Variants in TTI1 observed in about 807,000 individuals in gnomAD.
TTI1 encodes the protein TELO2 interacting protein 1.
A neutral mutation model predicts 85.4 loss-of-function variants in TTI1; 52 were observed. That is an observed-to-expected ratio of 0.61 (90% CI 0.49 to 0.77). TTI1 has a LOEUF of 0.77. Ranked by LOEUF, TTI1 falls within the 30% of genes least tolerant of loss-of-function variation. The probability of loss-of-function intolerance (pLI) is 0.00; values close to 1 mark genes in which losing one functional copy is unlikely to be tolerated. For missense variants in TTI1, 1,173 were observed against 1,296.0 expected, an observed-to-expected ratio of 0.91 and a Z score of 1.46; for synonymous variants, 512 against 503.9, an observed-to-expected ratio of 1.02 and a Z score of -0.22.
At chr20:38,000,022 T>G (rs999731061) in intron 4 of TTI1, among the ~76,000 whole-genome samples, 1 of 152,130 alleles carries the variant, frequency 6.6e-6, no homozygotes, top group East Asian at 1.9e-4. Context: ...CCCTTTAGGA[T>G]CCACATGAGA....
In TTI1 at chr20:38,013,360, A is replaced by G; in HGVS notation, c.457T>C (p.Phe153Leu). 1 of 1,614,112 alleles carries G rather than the reference A, an allele frequency of 6.2e-7. No individual in the cohort carries two copies. The highest frequency in any genetic ancestry group is 8.5e-7 in the Non-Finnish European group (1 of 1,180,036). The change falls in exon 2 of 8, where the codon TTT becomes CTT. Residue 153 changes from phenylalanine (F) to leucine (L), a missense_variant. Physicochemically the swap from Phe to Leu is conservative, Grantham distance 22. Coordinates refer to ENST00000373447, the MANE Select transcript of TTI1 (RefSeq NM_001303457.2). ...AGGCCTAACAGTAAAGATACAGCAA[A>G]TCCTAAACGTGGCAGAATGGAGGGC... ...YEPSILPRLGFAVSLLLGLAE... is the reference protein window; with the variant it reads ...YEPSILPRLGLAVSLLLGLAE...
intron 1 of TTI1, among the ~76,000 whole-genome samples, chr20:38,024,847 A>C (rs2073816038): frequency 6.6e-6 from 1 of 152,144 alleles, no homozygotes; most frequent in South Asian, 2.1e-4. Flanking sequence ...GGGAGCCTAA[A>C]CTTCCACTTC....
intron 1 of TTI1, among the ~76,000 whole-genome samples, chr20:38,033,155 C>G (rs16987085): frequency 6.6e-6 from 1 of 152,050 alleles, no homozygotes; most frequent in Admixed American, 6.5e-5. Context: ...AGAGAACGAG[C>G]GCCAGGGCGT....
chr20:37,991,436 T>C (rs2073262630), intron 7 of TTI1, among the ~76,000 whole-genome samples: 1 of 152,208 alleles, frequency 6.6e-6, no homozygotes, highest in African/African-American at 2.4e-5. Flanking sequence ...ATGAAATGAA[T>C]GAGCCTGTGC....
intron 1 of TTI1, among the ~76,000 whole-genome samples, chr20:38,025,012 G>A (rs2073818087): frequency 1.3e-5 from 2 of 152,180 alleles, no homozygotes; most frequent in Admixed American, 6.5e-5. Flanking sequence ...CCACTCAGCA[G>A]TAGTGGGGAG....
intron 7 of TTI1, 88 bp from the exon 8 acceptor site, chr20:37,983,727 G>A: frequency 8.2e-7 from 1 of 1,218,640 alleles, no homozygotes; most frequent in Non-Finnish European, 1.1e-6. Flanking sequence ...TGTTTACCAG[G>A]CTATTTGAGA....
At position 38,012,684 on chromosome 20, in the gene TTI1, A is replaced by T; in HGVS notation, c.1133T>A (p.Leu378Gln). 6.2e-7 allele frequency: 1 copy of T among 1,614,242 alleles called. No homozygotes were observed. Among genetic ancestry groups the T allele is most frequent in the Non-Finnish European group, 8.5e-7 (1 of 1,180,048 alleles). ...KALADILSES[L>Q]HSLATSLPRL... ...AGGAAGAGATGTGGCAAGGGAATGC[A>T]GGCTTTCTGACAAGATGTCAGCGAG... Residue 378 changes from leucine (L) to glutamine (Q), a missense_variant, in exon 2 of 8, where the codon CTG becomes CAG. By Grantham distance (113) the Leu-to-Gln change is moderately radical. Transcript: ENST00000373447.
At chr20:37,992,145 C>T (rs1274424883) in intron 7 of TTI1, among the ~76,000 whole-genome samples, 1 of 152,224 alleles carries the variant, frequency 6.6e-6, no homozygotes, top group Non-Finnish European at 1.5e-5. Context: ...ACCAGCTGGT[C>T]ACCACCTGCT....
rs1383940413 is a variant in TTI1 at position 38,013,658 on chromosome 20, G to C, written c.159C>G (p.Leu53=). The change falls in exon 2 of 8, where the codon CTC becomes CTG. Residue 53 remains leucine (L), a synonymous_variant. Transcript: ENST00000373447. ...TCTTCAGGGTAAATCGCAGAGGGAAGAGGATGTACTGCTGAAGTTCCTGAA... is the reference window on the plus strand; with the variant it reads ...TCTTCAGGGTAAATCGCAGAGGGAACAGGATGTACTGCTGAAGTTCCTGAA... ...SALQELQQYI[L]FPLRFTLKTP... 6.2e-7 allele frequency: 1 copy of C among 1,614,248 alleles called. No individual in the cohort carries two copies.
intron 7 of TTI1, 123 bp downstream of exon 7, chr20:37,996,252 A>G: frequency 1.0e-6 from 1 of 1,004,668 alleles, no homozygotes; most frequent in Middle Eastern, 2.6e-4. Flanking sequence ...CAGTTAAAGA[A>G]TTATCTTAAC....
rs1311747991 is a variant in TTI1 at position 38,012,732 on chromosome 20, T to G, written c.1085A>C (p.Lys362Thr). The change falls in exon 2 of 8, where the codon AAA (lysine) becomes ACA (threonine). Residue 362 changes from lysine to threonine, a missense_variant. Physicochemically the swap from Lys to Thr is moderately conservative, Grantham distance 78 (BLOSUM62 -1). Coordinates refer to ENST00000373447, the MANE Select transcript of TTI1 (RefSeq NM_001303457.2). ...NKVLRHFADQ[K>T]VVVGNKALAD... ...GAGGGCTTTGTTGCCCACCACTACT[T>G]TTTGATCTGCAAAATGTCTCAGAAC... 2 of 1,614,158 alleles carry G rather than the reference T, an allele frequency of 1.2e-6. No homozygotes were observed. The highest frequency in any genetic ancestry group is 3.3e-5 in the Admixed American group (2 of 60,020).
chr20:38,019,965 C>T (rs993476564), intron 1 of TTI1, among the ~76,000 whole-genome samples: 6 of 152,138 alleles, frequency 3.9e-5, no homozygotes, highest in African/African-American at 1.2e-4. Flanking sequence ...TTGGTAGAGT[C>T]AGCATAATCC....
At chr20:37,987,827 T>C (rs1202086996) in intron 7 of TTI1, among the ~76,000 whole-genome samples, 1 of 152,194 alleles carries the variant, frequency 6.6e-6, no homozygotes, top group Non-Finnish European at 1.5e-5. Context: ...TTCAGCCCTA[T>C]CTACAACTGA....
rs2073443905 is a variant in TTI1 at position 38,002,752 on chromosome 20, A to G, written c.2528T>C (p.Val843Ala). The change falls in exon 4 of 8, where the codon GTG (valine) becomes GCG (alanine). Residue 843 changes from valine (V) to alanine (A), a missense_variant. Val to Ala is a moderately conservative substitution (Grantham distance 64). Coordinates refer to ENST00000373447, the MANE Select transcript of TTI1 (RefSeq NM_001303457.2). Reference protein sequence around the residue: ...EEEEQSVPPKVDENDTRPDVE... With the variant: ...EEEEQSVPPKADENDTRPDVE... Reference sequence around the variant, plus strand: ...ATCTGGACGGGTGTCATTCTCATCCACTTTGGGAGGGACTGACTGTTCCTC... The same window carrying G: ...ATCTGGACGGGTGTCATTCTCATCCGCTTTGGGAGGGACTGACTGTTCCTC... The G allele has an allele frequency of 1.2e-6, 2 of 1,614,110 alleles. No homozygotes were observed. Among genetic ancestry groups the G allele is most frequent in the Admixed American group, 1.7e-5 (1 of 60,014 alleles).
At chr20:38,020,323 A>AAAATATATATATATATATATAT in intron 1 of TTI1, among the ~76,000 whole-genome samples, 20 of 50,360 alleles carry the variant, frequency 4.0e-4, no homozygotes, top group Non-Finnish European at 5.8e-4. Flanking sequence ...AAAAAAAAAA[A>AAAATATATATATATATATATAT]ATATATATAT....
chr20:38,005,906 T>A lies in TTI1; in HGVS notation c.2503+291A>T. On this transcript the variant is annotated intron_variant, in intron 3 of 7. Transcript: ENST00000373447. ...AGCAACCTAAATGTCCTACAGGGGATGGACACTTAGTAACAGCTATTAAAA... is the reference window on the plus strand; with the variant it reads ...AGCAACCTAAATGTCCTACAGGGGAAGGACACTTAGTAACAGCTATTAAAA... 7 of 379,816 alleles carry A rather than the reference T, an allele frequency of 1.8e-5. 1 individual carries two copies. Among genetic ancestry groups the A allele is most frequent in the South Asian group, 1.7e-4 (7 of 42,314 alleles). 23.5% of individuals were successfully genotyped at this position (379,816 alleles called of 1,614,324 possible).
At position 37,983,645 on chromosome 20, in the gene TTI1, G is replaced by T; in HGVS notation, c.3087-6C>A. 1 of 1,510,746 alleles carries T rather than the reference G, an allele frequency of 6.6e-7. No individual in the cohort carries two copies. The highest frequency in any genetic ancestry group is 8.9e-7 in the Non-Finnish European group (1 of 1,128,160). 93.6% of individuals were successfully genotyped at this position (1,510,746 alleles called of 1,614,324 possible). A position where few individuals can be genotyped will look rare whatever the true frequency, so the allele number is the denominator to read the frequency against. On this transcript the variant is annotated splice_polypyrimidine_tract_variant and splice_region_variant and intron_variant, in intron 7 of 7. Coordinates refer to ENST00000373447, the MANE Select transcript of TTI1 (RefSeq NM_001303457.2). ...TCATCAAGTGGAGGAAGACGCTGTG[G>T]AGAGATGGAAAGGAGTGAGTAGAGG...
intron 1 of TTI1, among the ~76,000 whole-genome samples, chr20:38,027,400 T>C (rs1442865392): frequency 6.6e-6 from 1 of 152,206 alleles, no homozygotes; most frequent in Admixed American, 6.5e-5. Flanking sequence ...TTTATTTTTT[T>C]CAAATACAGT....
chr20:38,020,323 A>AAAAAATATAT lies in TTI1; in HGVS notation c.-41-6467_-41-6466insATATATTTTT. Among the ~76,000 whole-genome samples the AAAAAATATAT allele has an allele frequency of 8.2e-3, 415 of 50,354 alleles. 7 individuals are homozygous for AAAAAATATAT. The highest frequency in any genetic ancestry group is 0.013 in the Non-Finnish European group (350 of 27,752). The allele number at this position is 50,354 out of a possible 152,430, so 33.0% of individuals were successfully genotyped here. On this transcript the variant is annotated intron_variant, in intron 1 of 7. Transcript: ENST00000373447. ...GGCTACTCATATGAAAAAAAAAAAAAATATATATATATATATATATATATA... is the reference window on the plus strand; with the variant it reads ...GGCTACTCATATGAAAAAAAAAAAAAAAAAATATATATATATATATATATATATATATATA...
Sources: gnomAD v4.1 joint callset for allele counts (sites outside exome capture counted in the v4.1 genomes callset) on GRCh38, gnomAD v4.1.1 for gene constraint, MANE v1.5 for transcripts, NCBI Gene and HGNC (gene_info 2026-07-23, HGNC 2026-07-21) for gene names.